The following GADL1 variants were observed in gnomAD, a reference collection of about 807,000 sequenced individuals.
GADL1 encodes the protein acidic amino acid decarboxylase GADL1.
In GADL1, 71 loss-of-function variants were observed where a neutral mutation model predicts 69.5. That is an observed-to-expected ratio of 1.02 (90% confidence interval 0.84 to 1.25). The LOEUF is 1.25. Among genes scored for constraint, GADL1 ranks in the 50% most tolerant of loss-of-function variants. GADL1 has a pLI of 0.00. For synonymous variants in GADL1, 254 were observed against 214.4 expected (o/e 1.18, Z -1.62); for missense variants, 737 against 631.8 (o/e 1.17, Z -1.79).
At chr3:30,876,688 CT>C (rs11328324) in intron 1 of GADL1, among the ~76,000 whole-genome samples, 33,891 of 151,836 alleles carry the variant, frequency 0.22, 4,508 homozygotes, top group East Asian at 0.45. Flanking sequence ...AGAACCTACT[CT>C]TGCCCACTTA....
chr3:30,775,042 AT>A (rs1696503048), intron 14 of GADL1, among the ~76,000 whole-genome samples: 1 of 152,152 alleles, frequency 6.6e-6, no homozygotes, highest in Admixed American at 6.5e-5. Flanking sequence ...TCAGAGGAGG[AT>A]TTTACGGAGG....
At chr3:30,829,767 A>C (rs1184533812) in intron 11 of GADL1, among the ~76,000 whole-genome samples, 1 of 151,918 alleles carries the variant, frequency 6.6e-6, no homozygotes, top group African/African-American at 2.4e-5. Flanking sequence ...CTTGCTAGGC[A>C]CTGACAACAC....
intron 11 of GADL1, among the ~76,000 whole-genome samples, chr3:30,831,225 T>A (rs1697786428): frequency 6.6e-6 from 1 of 152,036 alleles, no homozygotes; most frequent in Non-Finnish European, 1.5e-5. Context: ...ATCTACCCAC[T>A]GCTTAATCCT....
chr3:30,728,926 A>G (rs1575175768), intron 14 of GADL1, among the ~76,000 whole-genome samples: 1 of 151,338 alleles, frequency 6.6e-6, no homozygotes, highest in South Asian at 2.1e-4. Context: ...AAAAACAAAT[A>G]TGGATATTAT....
chr3:30,800,977 G>A lies in GADL1; in HGVS notation c.1162C>T (p.Pro388Ser). 6.2e-7 allele frequency: 1 copy of A among 1,613,822 alleles called. No homozygotes were observed. ...GTCATCCAGAACTTGAATGCATCTG[G>A]TCTTCTGCTACACTGGATAGACTTG... The part of the protein sequence containing the change: ...GDKSIQCSRR[P>S]DAFKFWMTWK... The change falls in exon 12 of 15, where the codon CCA becomes TCA. Residue 388 changes from proline to serine, a missense_variant. Pro to Ser is a moderately conservative substitution (Grantham distance 74, BLOSUM62 -1). Coordinates refer to ENST00000282538, the MANE Select transcript of GADL1 (RefSeq NM_207359.3).
chr3:30,839,262 G>A, intron 8 of GADL1, 149 bp from the exon 9 acceptor site: 1 of 511,684 alleles, frequency 2.0e-6, no homozygotes, highest in Non-Finnish European at 3.5e-6. Flanking sequence ...TTTAAATTTT[G>A]TGAATATGTG....
chr3:30,784,287 G>T (rs374055026), intron 13 of GADL1, among the ~76,000 whole-genome samples: 2 of 152,090 alleles, frequency 1.3e-5, no homozygotes, highest in East Asian at 3.8e-4. Flanking sequence ...TTTCAACAAG[G>T]TCCATATGCC....
chr3:30,768,412 G>C (rs575121220), intron 14 of GADL1, among the ~76,000 whole-genome samples: 2 of 151,066 alleles, frequency 1.3e-5, no homozygotes, highest in Admixed American at 6.6e-5. Context: ...GATGAGGAAA[G>C]AGACAGTGAA....
intron 14 of GADL1, among the ~76,000 whole-genome samples, chr3:30,761,726 T>C (rs1450892614): frequency 6.7e-6 from 1 of 150,244 alleles, no homozygotes; most frequent in Non-Finnish European, 1.5e-5. Context: ...GTAGACAAAG[T>C]AACATCATTA....
At position 30,770,950 on chromosome 3, in the gene GADL1, AAT is replaced by A. The variant is rs546332909; in HGVS notation, c.1392+7227_1392+7228del. 4.9e-3 allele frequency among the ~76,000 whole-genome samples: 744 copies of A among 152,350 alleles called. 6 individuals are homozygous for A. Among genetic ancestry groups the A allele is most frequent in the African/African-American group, 0.017 (715 of 41,580 alleles). ...TATGAAAATGTTTAGACCACAAAAC[AAT>A]ATATTAATCAGCAAATAAGCAAAGT... On this transcript the variant is annotated intron_variant, in intron 14 of 14. Coordinates refer to ENST00000282538, the MANE Select transcript of GADL1 (RefSeq NM_207359.3).
In GADL1 at chr3:30,728,347, C is replaced by A; in HGVS notation, c.1461G>T (p.Arg487=). 1 of 1,613,882 alleles carries A rather than the reference C, an allele frequency of 6.2e-7. No individual in the cohort carries two copies. The highest frequency in any genetic ancestry group is 8.5e-7 in the Non-Finnish European group (1 of 1,179,828). The change falls in exon 15 of 15, where the codon CGG becomes CGT. Residue 487 remains arginine, a synonymous_variant. Transcript: ENST00000282538. ...GSLMLGYQPH[R]GKVNFFRQVV... ...CCTGGCGGAAGAAGTTGACCTTTCC[C>A]CGGTGCGGCTGGTAGCCCAGCATCA... is the stretch of plus-strand genomic sequence containing the variant.
chr3:30,746,350 T>G (rs1695703277), intron 14 of GADL1, among the ~76,000 whole-genome samples: 1 of 152,194 alleles, frequency 6.6e-6, no homozygotes, highest in African/African-American at 2.4e-5. Flanking sequence ...ACTGCAGACC[T>G]ACTGAGCCTC....
At chr3:30,894,459 C>A in intron 1 of GADL1, 119 bp downstream of exon 1, 1 of 718,754 alleles carries the variant, frequency 1.4e-6, no homozygotes, top group Non-Finnish European at 2.2e-6. Context: ...ACTTTCTACC[C>A]ACCCCAGCCG....
chr3:30,738,621 C>T (rs1308129944), intron 14 of GADL1, among the ~76,000 whole-genome samples: 1 of 152,170 alleles, frequency 6.6e-6, no homozygotes, highest in Non-Finnish European at 1.5e-5. Context: ...ATCACTCCAT[C>T]TGAGAGGAGA....
intron 1 of GADL1, among the ~76,000 whole-genome samples, chr3:30,889,199 T>A (rs1024063189): frequency 6.6e-6 from 1 of 151,462 alleles, no homozygotes; most frequent in South Asian, 2.1e-4. Flanking sequence ...AAGGCATGTT[T>A]TACATGGTGG....
At chr3:30,790,787 G>A (rs935098565) in intron 12 of GADL1, among the ~76,000 whole-genome samples, 1 of 152,026 alleles carries the variant, frequency 6.6e-6, no homozygotes, top group East Asian at 1.9e-4. Flanking sequence ...TGTACTGTGG[G>A]TATATAGGTA....
intron 14 of GADL1, among the ~76,000 whole-genome samples, chr3:30,753,179 A>C (rs7621738): frequency 0.43 from 64,730 of 151,746 alleles, 14,343 homozygotes; most frequent in African/African-American, 0.53. Flanking sequence ...TAACCACGCT[A>C]CACAGGCCCC....
At chr3:30,850,134 G>T in intron 5 of GADL1, 23 bp from the exon 6 acceptor site, 1 of 1,296,020 alleles carries the variant, frequency 7.7e-7, no homozygotes, top group Non-Finnish European at 1.1e-6. Context: ...AATTAAAATG[G>T]CATATTTATA....
At chr3:30,834,364 GAGGACCTCA>G in intron 9 of GADL1, 83 bp from the exon 10 acceptor site, 1 of 1,066,892 alleles carries the variant, frequency 9.4e-7, no homozygotes, top group East Asian at 2.4e-5. Flanking sequence ...AACCCTCAGT[GAGGACCTCA>G]ATCTGCATTA....
Sources: gnomAD v4.1 joint callset for allele counts (sites outside exome capture counted in the v4.1 genomes callset) on GRCh38, gnomAD v4.1.1 for gene constraint, MANE v1.5 for transcripts, NCBI Gene and HGNC (gene_info 2026-07-23, HGNC 2026-07-21) for gene names.